The following PTPN2 variants were observed in gnomAD, a reference collection of about 807,000 sequenced individuals.
PTPN2 encodes tyrosine-protein phosphatase non-receptor type 2.
Under a neutral mutation model 57.3 loss-of-function variants are expected in PTPN2, and 19 were observed. The observed-to-expected ratio is 0.33, with a 90% CI of 0.23 to 0.49. The LOEUF is 0.49. Among genes scored for constraint, PTPN2 ranks in the 20% least tolerant of loss-of-function variants. The pLI is 0.99. For synonymous variants in PTPN2, 153 were observed against 164.9 expected (o/e 0.93, Z 0.55); for missense variants, 358 against 501.1 (o/e 0.71, Z 2.73).
At chr18:12,822,512 T>C (rs2042305423) in intron 5 of PTPN2, among the ~76,000 whole-genome samples, 1 of 152,156 alleles carries the variant, frequency 6.6e-6, no homozygotes, top group Non-Finnish European at 1.5e-5. Context: ...AGTTCAAACT[T>C]TTAGCTTTAA....
rs2041007979 is a variant in PTPN2 at position 12,792,342 on chromosome 18, G to A, written c.*1936C>T. ...TCTGTTGCCAGGCTGGAGTGCAGTG[G>A]TGCAATCTCGGCTCACTGCAACCTC... On this transcript the variant is annotated 3_prime_UTR_variant, in exon 9 of 9. Transcript: ENST00000309660. 1 of 609,326 alleles carries A rather than the reference G, an allele frequency of 1.6e-6. No homozygotes were observed. Among genetic ancestry groups the A allele is most frequent in the African/African-American group, 2.1e-5 (1 of 48,672 alleles). 37.7% of individuals were successfully genotyped at this position (609,326 alleles called of 1,614,324 possible). A position where few individuals can be genotyped will look rare whatever the true frequency, so the allele number is the denominator to read the frequency against.
At chr18:12,823,461 G>A (rs2042341539) in intron 5 of PTPN2, among the ~76,000 whole-genome samples, 1 of 151,986 alleles carries the variant, frequency 6.6e-6, no homozygotes, top group African/African-American at 2.4e-5. Context: ...ATCACCTGAA[G>A]TCAGGAGTTC....
intron 8 of PTPN2, among the ~76,000 whole-genome samples, chr18:12,799,431 GA>G (rs903207287): frequency 6.7e-6 from 1 of 150,344 alleles, no homozygotes; most frequent in Non-Finnish European, 1.5e-5. Flanking sequence ...AAAAAAAAAA[GA>G]AAAAAAAGAA....
At chr18:12,883,935 C>CGCGGACCGCGCCGCCACTT in intron 1 of PTPN2, 138 bp downstream of exon 1, 1 of 651,234 alleles carries the variant, frequency 1.5e-6, no homozygotes, top group South Asian at 2.0e-5. Context: ...GCGCCCCTGA[C>CGCGGACCGCGCCGCCACTT]GCGGACCGCG....
At chr18:12,857,635 C>T (rs76019588) in intron 2 of PTPN2, among the ~76,000 whole-genome samples, 302 of 152,262 alleles carry the variant, frequency 2.0e-3, no homozygotes, top group African/African-American at 6.8e-3. Context: ...GATTCTCAAT[C>T]AGAGATTTGG....
At chr18:12,830,792 A>G (rs2042641198) in intron 4 of PTPN2, 151 bp downstream of exon 4, 3 of 519,134 alleles carry the variant, frequency 5.8e-6, no homozygotes, top group Middle Eastern at 5.6e-4. Context: ...AAAAGGATAC[A>G]TGAGTTTTTC....
At chr18:12,827,592 C>T (rs1490661898) in intron 4 of PTPN2, among the ~76,000 whole-genome samples, 3 of 151,328 alleles carry the variant, frequency 2.0e-5, no homozygotes, top group Admixed American at 6.6e-5. Flanking sequence ...ACTTTGTTGT[C>T]GAGGCTGGTT....
intron 1 of PTPN2, among the ~76,000 whole-genome samples, chr18:12,869,715 T>C (rs2044121080): frequency 6.6e-6 from 1 of 152,244 alleles, no homozygotes; most frequent in Non-Finnish European, 1.5e-5. Flanking sequence ...TTTAATTTTA[T>C]AAGGTAGGAC....
chr18:12,794,530 G>T, intron 8 of PTPN2, 45 bp from the exon 9 acceptor site: 1 of 1,600,162 alleles, frequency 6.2e-7, no homozygotes, highest in Non-Finnish European at 8.5e-7. Context: ...ACACAGAGCA[G>T]GACTTGAGTA....
At chr18:12,795,646 T>C (rs1270574691) in intron 8 of PTPN2, among the ~76,000 whole-genome samples, 7 of 152,180 alleles carry the variant, frequency 4.6e-5, no homozygotes, top group Non-Finnish European at 1.5e-5. Flanking sequence ...TACTTAGTTC[T>C]GGTTCTATAT....
intron 2 of PTPN2, chr18:12,844,052 T>C (rs978836847): frequency 6.6e-6 from 1 of 152,200 alleles, no homozygotes; most frequent in African/African-American, 2.4e-5. Flanking sequence ...ATGTCATCAT[T>C]GGAAACTGGA....
intron 1 of PTPN2, among the ~76,000 whole-genome samples, chr18:12,870,289 A>ATATGTG (rs1568168170): frequency 1.7e-5 from 1 of 58,268 alleles, no homozygotes; most frequent in Non-Finnish European, 3.0e-5. Flanking sequence ...ATATACATAT[A>ATATGTG]CATATATATG....
chr18:12,883,532 C>T (rs1231620077), intron 1 of PTPN2: 4 of 151,388 alleles, frequency 2.6e-5, no homozygotes, highest in Non-Finnish European at 1.5e-5. Flanking sequence ...CCCACAGGTC[C>T]TGCGCGGGCG....
intron 2 of PTPN2, among the ~76,000 whole-genome samples, chr18:12,842,965 T>C (rs2043093423): frequency 1.3e-5 from 2 of 152,220 alleles, no homozygotes; most frequent in Non-Finnish European, 2.9e-5. Context: ...TGACGTTAAC[T>C]GACTTTCTTA....
chr18:12,809,827 A>T (rs913287437), intron 7 of PTPN2, among the ~76,000 whole-genome samples: 2 of 152,244 alleles, frequency 1.3e-5, no homozygotes, highest in Non-Finnish European at 2.9e-5. Flanking sequence ...AAATCCATTC[A>T]TACAATGGAT....
At chr18:12,869,143 G>GTC (rs1271290587) in intron 1 of PTPN2, 2 of 152,080 alleles carry the variant, frequency 1.3e-5, no homozygotes, top group Admixed American at 6.5e-5. Flanking sequence ...GAGAGACGCC[G>GTC]TCTCAAAAAA....
At chr18:12,805,195 G>A (rs2145263003) in intron 7 of PTPN2, among the ~76,000 whole-genome samples, 1 of 152,234 alleles carries the variant, frequency 6.6e-6, no homozygotes, top group Non-Finnish European at 1.5e-5. Flanking sequence ...GGTGGTTCAT[G>A]CCTGTAATCC....
intron 3 of PTPN2, among the ~76,000 whole-genome samples, chr18:12,834,636 A>C (rs1464926959): frequency 6.6e-6 from 1 of 152,148 alleles, no homozygotes; most frequent in Non-Finnish European, 1.5e-5. Flanking sequence ...AGATTCCAGC[A>C]CAGGTACCAT....
chr18:12,794,581 A>G, intron 8 of PTPN2, 96 bp from the exon 9 acceptor site: 3 of 1,421,754 alleles, frequency 2.1e-6, no homozygotes, highest in Non-Finnish European at 2.8e-6. Flanking sequence ...AACCATCCAC[A>G]TAGTTTTCAC....
Sources: allele counts gnomAD v4.1 joint callset (sites outside exome capture counted in the v4.1 genomes callset), GRCh38; gene constraint gnomAD v4.1.1; transcripts MANE v1.5; gene names NCBI Gene and HGNC (gene_info 2026-07-23, HGNC 2026-07-21).